Variants in CDH8 observed in about 807,000 individuals in gnomAD.
CDH8 encodes the protein cadherin-8.
Under a neutral mutation model 68.1 loss-of-function variants are expected in CDH8, and 17 were observed. That is an observed-to-expected ratio of 0.25 (90% confidence interval 0.17 to 0.37). CDH8 has a LOEUF of 0.37. Ranked by LOEUF, CDH8 falls within the 10% of genes least tolerant of loss-of-function variation. The pLI, the probability that CDH8 is intolerant of heterozygous loss-of-function variation, is 1.00. For missense variants in CDH8, 763 were observed against 999.3 expected (o/e 0.76, Z 3.19); for synonymous variants, 372 against 365.1 (o/e 1.02, Z -0.21).
Position 61,652,966 on chromosome 16 carries a change from G to C in CDH8, c.*642C>G. The C allele has an allele frequency of 6.6e-7, 1 of 1,514,832 alleles. No homozygotes were observed. Among genetic ancestry groups the C allele is most frequent in the Non-Finnish European group, 8.8e-7 (1 of 1,137,730 alleles). 93.8% of individuals were successfully genotyped at this position (1,514,832 alleles called of 1,614,324 possible). A position where few individuals can be genotyped will look rare whatever the true frequency, so the allele number is the denominator to read the frequency against. ...CACTGAATTGGCAAGCCCCACCCTG[G>C]AATGGATTACGAACATGTGAATATT... On this transcript the variant is annotated 3_prime_UTR_variant, in exon 12 of 12. Transcript: ENST00000577390.
At chr16:61,808,906 C>T (rs1308998408) in intron 7 of CDH8, among the ~76,000 whole-genome samples, 1 of 152,156 alleles carries the variant, frequency 6.6e-6, no homozygotes, top group Non-Finnish European at 1.5e-5. Context: ...CTTTACTAGA[C>T]CAGGCGCAGT....
chr16:61,742,119 G>A (rs1380394121), intron 8 of CDH8, among the ~76,000 whole-genome samples: 1 of 152,080 alleles, frequency 6.6e-6, no homozygotes, highest in African/African-American at 2.4e-5. Flanking sequence ...GTTTTGCTAT[G>A]TAATTGAAGT....
intron 8 of CDH8, among the ~76,000 whole-genome samples, chr16:61,753,712 T>C (rs1035365811): frequency 2.0e-5 from 3 of 151,938 alleles, no homozygotes; most frequent in African/African-American, 7.2e-5. Context: ...TTTTTAATTA[T>C]AGTCGGTAAA....
chr16:61,662,087 G>GTTTTTTTTTTTTTTTTTTTTTTATTTTT, intron 10 of CDH8, among the ~76,000 whole-genome samples: 3 of 92,792 alleles, frequency 3.2e-5, no homozygotes, highest in African/African-American at 4.0e-5. Context: ...TTTTACTTTA[G>GTTTTTTTTTTTTTTTTTTTTTTATTTTT]TTTTTTTTTT....
chr16:61,666,786 G>T (rs1252126489), intron 10 of CDH8, among the ~76,000 whole-genome samples: 1 of 151,952 alleles, frequency 6.6e-6, no homozygotes, highest in Non-Finnish European at 1.5e-5. Context: ...ATTTAATTAA[G>T]TTCTTATCAC....
rs141892774 is a variant in CDH8, at chr16:61,661,650, A to C, written c.1655-5929T>G. ...TGTATTAAAAAAGCAGAAAGCTCTC[A>C]AATCAATAACCTAATTTTTCACCAT... On this transcript the variant is annotated intron_variant, in intron 10 of 11. Transcript: ENST00000577390. Among the ~76,000 whole-genome samples, 71 of 151,960 alleles carry C rather than the reference A, an allele frequency of 4.7e-4. No homozygotes were observed. The East Asian group carries it at 0.013, about 29-fold the overall frequency.
chr16:61,892,497 T>C (rs1963795655), intron 3 of CDH8, among the ~76,000 whole-genome samples: 1 of 152,208 alleles, frequency 6.6e-6, no homozygotes, highest in African/African-American at 2.4e-5. Context: ...CTTTCTTTAA[T>C]TTGGTGTTTA....
chr16:61,655,148 A>G (rs1339328971), intron 11 of CDH8, among the ~76,000 whole-genome samples: 2 of 152,162 alleles, frequency 1.3e-5, no homozygotes, highest in African/African-American at 4.8e-5. Context: ...TGTGCCTCAC[A>G]CCCAGAGTTC....
rs1232619634 is a variant in CDH8, at chr16:61,769,203, G to A, written c.1414+20143C>T. On this transcript the variant is annotated intron_variant, in intron 8 of 11. Transcript: ENST00000577390. Reference sequence around the variant, plus strand: ...AAAAAGTATTTCAACCTTGCAGAACGCTTAAAAATGTCTCAAAGACTCTAA... The same window carrying A: ...AAAAAGTATTTCAACCTTGCAGAACACTTAAAAATGTCTCAAAGACTCTAA... 4.0e-5 allele frequency among the ~76,000 whole-genome samples: 6 copies of A among 151,810 alleles called. No homozygotes were observed. In the South Asian group the frequency reaches 1.0e-3, roughly 26 times the overall value.
chr16:61,863,484 C>CT (rs1335037380), intron 3 of CDH8, among the ~76,000 whole-genome samples: 2 of 152,010 alleles, frequency 1.3e-5, no homozygotes, highest in Non-Finnish European at 2.9e-5. Flanking sequence ...CGAGGCTATA[C>CT]TTTTTTTTAT....
chr16:61,953,926 TAA>T (rs1193371584), intron 2 of CDH8, among the ~76,000 whole-genome samples: 9 of 118,992 alleles, frequency 7.6e-5, no homozygotes, highest in East Asian at 7.1e-4. Context: ...TATATATATA[TAA>T]AATACCTTAA....
intron 10 of CDH8, among the ~76,000 whole-genome samples, chr16:61,700,611 T>C (rs1596879300): frequency 6.6e-6 from 1 of 151,178 alleles, no homozygotes; most frequent in Non-Finnish European, 1.5e-5. Flanking sequence ...CTCAATACTT[T>C]CTACCCTAGG....
At chr16:61,837,642 A>G (rs1447380266) in intron 4 of CDH8, among the ~76,000 whole-genome samples, 1 of 152,122 alleles carries the variant, frequency 6.6e-6, no homozygotes, top group East Asian at 1.9e-4. Flanking sequence ...CAGTCACCAC[A>G]ATGTATTGGC....
At chr16:61,964,184 T>A (rs113907065) in intron 2 of CDH8, among the ~76,000 whole-genome samples, 3,016 of 152,230 alleles carry the variant, frequency 0.02, 93 homozygotes, top group African/African-American at 0.068. Context: ...GACCAAAACA[T>A]CTCTTGTATT....
intron 1 of CDH8, among the ~76,000 whole-genome samples, chr16:62,034,623 A>G (rs1015860932): frequency 5.3e-5 from 8 of 152,132 alleles, no homozygotes; most frequent in African/African-American, 1.7e-4. Context: ...GCCCCCAGAT[A>G]TCATGACGCC....
rs544829709 is a variant in CDH8, at chr16:61,684,665, G to A, written c.1655-28944C>T. ...TTGCATTCAGAATCATTTTTTGGCC[G>A]TCCAGTGCTCTGCGCTGTACTGCAG... On this transcript the variant is annotated intron_variant, in intron 10 of 11. Coordinates refer to ENST00000577390, the MANE Select transcript of CDH8 (RefSeq NM_001796.5). Among the ~76,000 whole-genome samples the A allele has an allele frequency of 5.1e-4, 77 of 151,978 alleles. 1 individual carries two copies. In the South Asian group the frequency reaches 0.014, roughly 28 times the overall value.
At chr16:61,913,891 T>C (rs965309329) in intron 2 of CDH8, among the ~76,000 whole-genome samples, 10 of 152,198 alleles carry the variant, frequency 6.6e-5, no homozygotes, top group Non-Finnish European at 1.3e-4. Flanking sequence ...CCCACTGTTA[T>C]AGGCTAAATT....
At chr16:61,870,497 G>C (rs745603585) in intron 3 of CDH8, among the ~76,000 whole-genome samples, 1 of 152,150 alleles carries the variant, frequency 6.6e-6, no homozygotes, top group South Asian at 2.1e-4. Context: ...ACCTTGAGGA[G>C]CTTTCCAGAA....
chr16:61,989,832 A>AT (rs5817330), intron 2 of CDH8, among the ~76,000 whole-genome samples: 93,852 of 151,996 alleles, frequency 0.62, 29,329 homozygotes, highest in East Asian at 0.75. Flanking sequence ...GTACAATTTT[A>AT]TTGTTAAACT....
Sources: gnomAD v4.1 joint callset for allele counts (sites outside exome capture counted in the v4.1 genomes callset) on GRCh38, gnomAD v4.1.1 for gene constraint, MANE v1.5 for transcripts, NCBI Gene and HGNC (gene_info 2026-07-23, HGNC 2026-07-21) for gene names.